PLA2G4C: variants seen among roughly 807,000 people sequenced by gnomAD.
PLA2G4C encodes phospholipase A2 group IVC.
Under a neutral mutation model 73.8 loss-of-function variants are expected in PLA2G4C, and 64 were observed. The ratio of observed to expected loss-of-function variants is 0.87; its 90% CI spans 0.71 to 1.07. PLA2G4C has a LOEUF of 1.07. PLA2G4C is among the 50% of genes least tolerant of loss of function. PLA2G4C has a pLI of 0.00. For missense variants in PLA2G4C, 622 were observed against 665.4 expected (o/e 0.93, Z 0.72); for synonymous variants, 254 against 252.1 (o/e 1.01, Z -0.07).
At chr19:48,108,138 G>A (rs558438054) in intron 1 of PLA2G4C, among the ~76,000 whole-genome samples, 20 of 152,052 alleles carry the variant, frequency 1.3e-4, no homozygotes, top group African/African-American at 4.1e-4. Context: ...ACGATCTCTC[G>A]TCTCCGCACA....
chr19:48,082,562 G>A (rs1364848286), intron 10 of PLA2G4C, among the ~76,000 whole-genome samples: 2 of 136,894 alleles, frequency 1.5e-5, no homozygotes, highest in Non-Finnish European at 3.0e-5. Flanking sequence ...ATAGTGGTGC[G>A]ATCTCGGCTC....
chr19:48,097,254 T>G (rs199914281), intron 6 of PLA2G4C: 1 of 62,484 alleles, frequency 1.6e-5, no homozygotes, highest in Non-Finnish European at 2.8e-5. Flanking sequence ...CTTTTTTCTT[T>G]TTTTTTTTTT....
At chr19:48,074,113 A>G (rs11564611) in intron 12 of PLA2G4C, among the ~76,000 whole-genome samples, 41,257 of 151,700 alleles carry the variant, frequency 0.27, 5,972 homozygotes, top group East Asian at 0.52. Flanking sequence ...GCATTAGCTA[A>G]TTTTCCTGGT....
At chr19:48,057,477 C>CTTTTTTTTTT (rs1265460823) in intron 14 of PLA2G4C, among the ~76,000 whole-genome samples, 6 of 16,884 alleles carry the variant, frequency 3.6e-4, no homozygotes, top group Non-Finnish European at 5.0e-4. Context: ...TCTTCTTCTT[C>CTTTTTTTTTT]TTCTTCTTTT....
chr19:48,066,617 C>A (rs2122508934), intron 13 of PLA2G4C, among the ~76,000 whole-genome samples: 1 of 152,110 alleles, frequency 6.6e-6, no homozygotes, highest in Admixed American at 6.5e-5. Flanking sequence ...TCGATTTGCA[C>A]AAGGGCAACA....
At chr19:48,061,921 C>A in intron 14 of PLA2G4C, 77 bp downstream of exon 14, 1 of 1,479,898 alleles carries the variant, frequency 6.8e-7, no homozygotes, top group Non-Finnish European at 9.3e-7. Flanking sequence ...AGCCCGCGTC[C>A]TCAGTTCCTC....
chr19:48,055,914 G>A (rs901605594), intron 14 of PLA2G4C, among the ~76,000 whole-genome samples: 8 of 151,952 alleles, frequency 5.3e-5, no homozygotes, highest in African/African-American at 9.7e-5. Context: ...ATGAGCCACC[G>A]CGCCCGGCCG....
At chr19:48,056,564 G>C (rs1967949879) in intron 14 of PLA2G4C, among the ~76,000 whole-genome samples, 3 of 151,042 alleles carry the variant, frequency 2.0e-5, no homozygotes, top group Non-Finnish European at 2.9e-5. Flanking sequence ...GGTGGCTCAT[G>C]GCTCATGCCT....
intron 14 of PLA2G4C, 29 bp from the exon 15 acceptor site, chr19:48,055,078 CAAGACCTCTCCAG>C (rs1330055366): frequency 6.4e-7 from 1 of 1,565,200 alleles, no homozygotes; most frequent in Non-Finnish European, 8.6e-7. Context: ...GAAATGGTTG[CAAGACCTCTCCAG>C]AAGACCCCTC....
rs1176414310 is a variant in PLA2G4C, at chr19:48,048,535, CCTGGAG to C, written c.1581-153_1581-148del. On this transcript the variant is annotated intron_variant, in intron 16 of 16. Transcript: ENST00000599921. ...TCCATTCTTTCATTCATTGAGAAGA[CCTGGAG>C]CTCCACCACCTCCTCCTGTGGAGCT... The C allele has an allele frequency of 5.5e-6, 3 of 542,630 alleles. No homozygotes were observed. The African/African-American group carries it at 6.0e-5, about 11-fold the overall frequency. The allele number at this position is 542,630 out of a possible 1,614,324, so 33.6% of individuals were successfully genotyped here. A position where few individuals can be genotyped will look rare whatever the true frequency, so the allele number is the denominator to read the frequency against.
intron 7 of PLA2G4C, among the ~76,000 whole-genome samples, chr19:48,091,883 CAAAAAAA>C (rs35118449): frequency 8.1e-4 from 17 of 21,102 alleles, no homozygotes; most frequent in Non-Finnish European, 6.0e-4. Context: ...GACTCCATCT[CAAAAAAA>C]AAAAAAAAAA....
At chr19:48,104,538 T>C (rs1224043919) in intron 4 of PLA2G4C, 50 bp downstream of exon 4, 8 of 1,586,838 alleles carry the variant, frequency 5.0e-6, no homozygotes, top group Middle Eastern at 1.7e-4. Flanking sequence ...AGGAAAAAAA[T>C]AATCCCATTT....
At chr19:48,102,892 C>T (rs141879911) in intron 4 of PLA2G4C, among the ~76,000 whole-genome samples, 32 of 152,314 alleles carry the variant, frequency 2.1e-4, no homozygotes, top group African/African-American at 7.7e-4. Flanking sequence ...GACCTCCTCA[C>T]ACACATCCTT....
intron 12 of PLA2G4C, among the ~76,000 whole-genome samples, chr19:48,071,820 T>C (rs905743221): frequency 1.3e-5 from 2 of 152,058 alleles, no homozygotes; most frequent in Admixed American, 6.6e-5. Flanking sequence ...TCCAGGCTAG[T>C]CTTGAATACC....
intron 1 of PLA2G4C, among the ~76,000 whole-genome samples, chr19:48,107,226 G>T (rs2032280866): frequency 6.6e-6 from 1 of 152,196 alleles, no homozygotes; most frequent in Admixed American, 6.5e-5. Flanking sequence ...AATCACAGGT[G>T]TGTCCAAAAC....
At chr19:48,067,915 T>C in intron 12 of PLA2G4C, 29 bp from the exon 13 acceptor site, 1 of 1,502,908 alleles carries the variant, frequency 6.7e-7, no homozygotes, top group Non-Finnish European at 9.3e-7. Flanking sequence ...ACAGCCAAGG[T>C]GAGTTCAGGA....
In PLA2G4C at chr19:48,109,815, A is replaced by G. The variant is rs1004420169; in HGVS notation, c.-33+672T>C. Among the ~76,000 whole-genome samples, 5 of 151,636 alleles carry G rather than the reference A, an allele frequency of 3.3e-5. No individual in the cohort carries two copies. In the East Asian group the frequency reaches 5.9e-4, roughly 18 times the overall value. ...CAGGCGCCCGCCACCACGCCCAGCT[A>G]ATTTTTTGTATTTTTAGTTGAGACG... On this transcript the variant is annotated intron_variant, in intron 1 of 16. Coordinates refer to ENST00000599921, the MANE Select transcript of PLA2G4C (RefSeq NM_003706.3).
intron 4 of PLA2G4C, 166 bp from the exon 5 acceptor site, chr19:48,100,026 A>G (rs2031817400): frequency 7.8e-6 from 4 of 510,880 alleles, no homozygotes; most frequent in Non-Finnish European, 1.4e-5. Flanking sequence ...CTGCAGAACG[A>G]TCAAGTTCGA....
chr19:48,064,791 A>G (rs1264250525), intron 13 of PLA2G4C: 1 of 152,208 alleles, frequency 6.6e-6, no homozygotes, highest in Non-Finnish European at 1.5e-5. Context: ...TAGAACAGAG[A>G]CACACATGGA....
Sources: gnomAD v4.1 joint callset for allele counts (sites outside exome capture counted in the v4.1 genomes callset) on GRCh38, gnomAD v4.1.1 for gene constraint, MANE v1.5 for transcripts, NCBI Gene and HGNC (gene_info 2026-07-23, HGNC 2026-07-21) for gene names.